MYO5B: variants seen among roughly 807,000 people sequenced by gnomAD.
MYO5B encodes the protein unconventional myosin-Vb.
MYO5B carries 143 observed loss-of-function variants against 229.3 expected under a neutral mutation model. That is an observed-to-expected ratio of 0.62 (90% CI 0.54 to 0.72). MYO5B has a LOEUF of 0.72. Ranked by LOEUF, MYO5B falls within the 30% of genes least tolerant of loss-of-function variation. MYO5B has a pLI of 0.00. For synonymous variants in MYO5B, 918 were observed against 885.2 expected, an observed-to-expected ratio of 1.04 and a Z score of -0.66; for missense variants, 2,321 against 2,331.0, an observed-to-expected ratio of 1.00 and a Z score of 0.09.
intron 1 of MYO5B, among the ~76,000 whole-genome samples, chr18:50,181,265 ATTG>A: frequency 6.6e-6 from 1 of 152,362 alleles, no homozygotes; most frequent in South Asian, 2.1e-4. Context: ...CTGTCTTTAA[ATTG>A]TTAACCAAAC....
rs2024370352 is a variant in MYO5B, at chr18:49,864,332, C to T, written c.3652G>A (p.Glu1218Lys). 6.2e-7 allele frequency: 1 copy of T among 1,614,088 alleles called. No homozygotes were observed. The highest frequency in any genetic ancestry group is 8.5e-7 in the Non-Finnish European group (1 of 1,180,048). Residue 1218 changes from glutamate (E) to lysine (K), a missense_variant, in exon 28 of 40, where the codon GAG (glutamate) becomes AAG (lysine). Around this residue, in one of 2 missense-constraint regions of MYO5B, gnomAD observed 2,113 missense variants for 2,044.7 expected, o/e 1.03. Coordinates refer to ENST00000285039, the MANE Select transcript of MYO5B (RefSeq NM_001080467.3). ...TGGTCGGCCACGGCTTTCCTCAGCTCATTCAGGTCATTCTTCAGCTTTTTG... is the reference window on the plus strand; with the variant it reads ...TGGTCGGCCACGGCTTTCCTCAGCTTATTCAGGTCATTCTTCAGCTTTTTG... ...ENKKLKNDLN[E>K]LRKAVADQAT...
intron 15 of MYO5B, 72 bp downstream of exon 15, chr18:49,937,173 G>T (rs1287382605): frequency 1.3e-6 from 2 of 1,568,786 alleles, no homozygotes; most frequent in Non-Finnish European, 1.8e-6. Context: ...TCACCCTGCC[G>T]CCATCCTTCA....
chr18:49,937,059 A>G (rs2025258601), intron 15 of MYO5B, among the ~76,000 whole-genome samples, 186 bp downstream of exon 15: 1 of 152,210 alleles, frequency 6.6e-6, no homozygotes, highest in South Asian at 2.1e-4. Context: ...TCCCTCTGTT[A>G]GTTCCTTGTG....
intron 4 of MYO5B, among the ~76,000 whole-genome samples, chr18:50,018,218 T>C (rs575854660): frequency 4.6e-5 from 7 of 151,960 alleles, no homozygotes; most frequent in East Asian, 1.9e-4. Flanking sequence ...TCCTGAGTAG[T>C]TGGGGTTACA....
chr18:50,137,817 C>T (rs1054084785), intron 1 of MYO5B, among the ~76,000 whole-genome samples: 6 of 152,114 alleles, frequency 3.9e-5, no homozygotes, highest in African/African-American at 1.2e-4. Flanking sequence ...ATTGAGATCA[C>T]GTCTTTTGCA....
chr18:50,098,686 T>C (rs1384650960), intron 1 of MYO5B: 2 of 152,214 alleles, frequency 1.3e-5, no homozygotes, highest in East Asian at 1.9e-4. Flanking sequence ...ATAACATAGA[T>C]AACATGGACA....
At chr18:49,850,309 G>A (rs1215137470) in intron 31 of MYO5B, 1 of 156,120 alleles carries the variant, frequency 6.4e-6, no homozygotes, top group African/African-American at 2.4e-5. Context: ...TCCACCACTA[G>A]AGCCGGCTTC....
rs1328547960 is a variant in MYO5B, at chr18:49,853,789, G to C, written c.4023-142C>G. 9.1e-6 allele frequency: 7 copies of C among 771,566 alleles called. No homozygotes were observed. The African/African-American group carries it at 1.2e-4, about 13-fold the overall frequency. 47.8% of individuals were successfully genotyped at this position (771,566 alleles called of 1,614,324 possible). ...TCCCCCAGAGGGATGAATGCAGCAG[G>C]AGACAGATGCCATGGGGACCACAAG... is the stretch of plus-strand genomic sequence containing the variant. On this transcript the variant is annotated intron_variant, in intron 30 of 39. Coordinates refer to ENST00000285039, the MANE Select transcript of MYO5B (RefSeq NM_001080467.3).
At position 49,919,951 on chromosome 18, in the gene MYO5B, G is replaced by C. The variant is rs572543835; in HGVS notation, c.2091-7778C>G. ...ATGAACAGATAATATAAAATGTGCT[G>C]TATCTATCTGATGAAATAATATTCA... is the stretch of plus-strand genomic sequence containing the variant. On this transcript the variant is annotated intron_variant, in intron 17 of 39. Coordinates refer to ENST00000285039, the MANE Select transcript of MYO5B (RefSeq NM_001080467.3). Among the ~76,000 whole-genome samples, 44 of 152,354 alleles carry C rather than the reference G, an allele frequency of 2.9e-4. No homozygotes were observed. In the South Asian group the frequency reaches 4.8e-3, roughly 16 times the overall value.
At chr18:49,857,609 C>T (rs1265708012) in intron 29 of MYO5B, among the ~76,000 whole-genome samples, 1 of 152,216 alleles carries the variant, frequency 6.6e-6, no homozygotes, top group African/African-American at 2.4e-5. Context: ...TGAATGATGT[C>T]TCCCCTTGAC....
At chr18:49,996,216 G>T (rs1262881179) in intron 5 of MYO5B, among the ~76,000 whole-genome samples, 1 of 152,172 alleles carries the variant, frequency 6.6e-6, no homozygotes, top group Non-Finnish European at 1.5e-5. Context: ...TTTGCAAAGT[G>T]ATTGATAGAT....
At chr18:49,981,102 A>G (rs769554977) in intron 8 of MYO5B, among the ~76,000 whole-genome samples, 5 of 152,248 alleles carry the variant, frequency 3.3e-5, no homozygotes, top group Non-Finnish European at 7.3e-5. Context: ...CACTATATGC[A>G]CTGTCATAGG....
chr18:50,071,954 C>T (rs2030966393), intron 1 of MYO5B, among the ~76,000 whole-genome samples: 1 of 152,234 alleles, frequency 6.6e-6, no homozygotes. Flanking sequence ...CTACAATGTG[C>T]TGCATAACAC....
intron 1 of MYO5B, among the ~76,000 whole-genome samples, chr18:50,089,731 C>T (rs528542255): frequency 1.4e-4 from 22 of 152,240 alleles, no homozygotes; most frequent in Admixed American, 8.5e-4. Context: ...CAAACACAAA[C>T]GTTTCTTGTA....
At chr18:49,986,521 CAA>C (rs1357758707) in intron 7 of MYO5B, among the ~76,000 whole-genome samples, 1 of 152,176 alleles carries the variant, frequency 6.6e-6, no homozygotes, top group African/African-American at 2.4e-5. Flanking sequence ...GACCAGTGGC[CAA>C]GGCACTTGAA....
chr18:49,889,745 C>T (rs957336504), intron 22 of MYO5B, among the ~76,000 whole-genome samples: 4 of 152,220 alleles, frequency 2.6e-5, no homozygotes, highest in Non-Finnish European at 5.9e-5. Flanking sequence ...CGCATGACAT[C>T]ATCACCAAGT....
At chr18:49,942,438 T>C (rs1173837441) in intron 14 of MYO5B, among the ~76,000 whole-genome samples, 2 of 120,038 alleles carry the variant, frequency 1.7e-5, no homozygotes, top group African/African-American at 6.5e-5. Context: ...ACCTACAGAA[T>C]GGGAGAAAAT....
chr18:50,082,943 A>G (rs569961546), intron 1 of MYO5B, among the ~76,000 whole-genome samples: 1 of 152,188 alleles, frequency 6.6e-6, no homozygotes, highest in East Asian at 1.9e-4. Context: ...AACACTAACC[A>G]CCTGGAGACC....
At chr18:50,176,040 T>C (rs1415548403) in intron 1 of MYO5B, among the ~76,000 whole-genome samples, 1 of 152,226 alleles carries the variant, frequency 6.6e-6, no homozygotes, top group East Asian at 1.9e-4. Flanking sequence ...CCCAAGCCAT[T>C]CCTCACATGC....
Sources: allele counts gnomAD v4.1 joint callset (sites outside exome capture counted in the v4.1 genomes callset), GRCh38; gene constraint gnomAD v4.1.1; regional missense constraint gnomAD v4.1.1; transcripts MANE v1.5; gene names NCBI Gene and HGNC (gene_info 2026-07-23, HGNC 2026-07-21).